Variants in EBF1 observed in about 807,000 individuals in gnomAD.
The protein encoded by EBF1 is EBF transcription factor 1, also known as transcription factor COE1.
Under a neutral mutation model 68.4 loss-of-function variants are expected in EBF1, and 10 were observed. That is an observed-to-expected ratio of 0.15 (90% confidence interval 0.09 to 0.25). The LOEUF is 0.25. Ranked by LOEUF, EBF1 falls within the 10% of genes least tolerant of loss-of-function variation. EBF1 has a pLI of 1.00. For synonymous variants in EBF1, 298 were observed against 299.8 expected (o/e 0.99, Z 0.06); for missense variants, 509 against 794.4 (o/e 0.64, Z 4.32).
intron 6 of EBF1, among the ~76,000 whole-genome samples, chr5:158,842,167 G>C (rs1360496569): frequency 1.3e-5 from 2 of 152,228 alleles, no homozygotes; most frequent in Admixed American, 6.5e-5. Flanking sequence ...TAAAGGAAGG[G>C]GGGTTAAGGG....
At chr5:158,955,581 C>A (rs1816894293) in intron 6 of EBF1, among the ~76,000 whole-genome samples, 1 of 152,196 alleles carries the variant, frequency 6.6e-6, no homozygotes, top group African/African-American at 2.4e-5. Flanking sequence ...GAATTCCATC[C>A]CATTCTTAAT....
chr5:158,773,789 G>A (rs1774412001), intron 10 of EBF1, among the ~76,000 whole-genome samples: 1 of 152,110 alleles, frequency 6.6e-6, no homozygotes, highest in African/African-American at 2.4e-5. Flanking sequence ...ATTAGCAGGA[G>A]AGATCACGAT....
chr5:158,759,212 G>A (rs1227102700), intron 10 of EBF1, among the ~76,000 whole-genome samples: 1 of 152,144 alleles, frequency 6.6e-6, no homozygotes, highest in Non-Finnish European at 1.5e-5. Flanking sequence ...TTTATTGAAA[G>A]CTATTTTGGG....
At chr5:159,066,439 C>T (rs1275884214) in intron 6 of EBF1, among the ~76,000 whole-genome samples, 1 of 152,112 alleles carries the variant, frequency 6.6e-6, no homozygotes, top group Non-Finnish European at 1.5e-5. Flanking sequence ...CACAGAAGAC[C>T]ACTCTGTTCC....
Position 158,714,105 on chromosome 5 carries a change from C to T in EBF1, c.1191+12G>A. ...TGGCAGTCCACACAGGCTAGACACCCACAGCGCTCACCTGGTTGTTGTGTG... is the reference window on the plus strand; with the variant it reads ...TGGCAGTCCACACAGGCTAGACACCTACAGCGCTCACCTGGTTGTTGTGTG... On this transcript the variant is annotated intron_variant, in intron 12 of 15. Transcript: ENST00000313708. 1.2e-6 allele frequency: 2 copies of T among 1,614,080 alleles called. No homozygotes were observed. Among genetic ancestry groups the T allele is most frequent in the Non-Finnish European group, 1.7e-6 (2 of 1,179,922 alleles).
chr5:158,915,094 GA>G (rs1404036156), intron 6 of EBF1, among the ~76,000 whole-genome samples: 1 of 152,200 alleles, frequency 6.6e-6, no homozygotes, highest in East Asian at 1.9e-4. Flanking sequence ...AACTGACAGT[GA>G]AAATGGGGCG....
At chr5:158,867,300 T>G (rs1203642127) in intron 6 of EBF1, among the ~76,000 whole-genome samples, 2 of 152,178 alleles carry the variant, frequency 1.3e-5, no homozygotes, top group Non-Finnish European at 2.9e-5. Context: ...AGGTTACTTA[T>G]TTGCTTCTAA....
chr5:158,762,858 G>A (rs1771786777), intron 10 of EBF1, among the ~76,000 whole-genome samples: 3 of 152,068 alleles, frequency 2.0e-5, no homozygotes, highest in Non-Finnish European at 4.4e-5. Flanking sequence ...ATTGGGATAT[G>A]CCATGGAAAA....
intron 6 of EBF1, among the ~76,000 whole-genome samples, chr5:159,013,874 T>C (rs1347230780): frequency 3.3e-5 from 5 of 152,196 alleles, no homozygotes; most frequent in African/African-American, 1.2e-4. Flanking sequence ...AAAGAAGAGT[T>C]CCAACTTCTG....
chr5:158,978,081 T>A (rs1296634089), intron 6 of EBF1, among the ~76,000 whole-genome samples: 1 of 152,236 alleles, frequency 6.6e-6, no homozygotes, highest in African/African-American at 2.4e-5. Context: ...TAACCTTAGC[T>A]ACTGAGTGGA....
At chr5:159,096,048 C>G (rs1040751909) in intron 3 of EBF1, among the ~76,000 whole-genome samples, 6 of 152,258 alleles carry the variant, frequency 3.9e-5, no homozygotes, top group African/African-American at 1.2e-4. Flanking sequence ...GGCCTGCAGC[C>G]TGGGCCAAGC....
intron 6 of EBF1, among the ~76,000 whole-genome samples, chr5:158,856,204 A>G (rs1480040747): frequency 2.6e-5 from 4 of 152,030 alleles, no homozygotes; most frequent in African/African-American, 9.7e-5. Flanking sequence ...ACAATCCCGC[A>G]CCCCAATTTA....
intron 4 of EBF1, among the ~76,000 whole-genome samples, chr5:159,095,186 G>A (rs1283307906): frequency 6.6e-6 from 1 of 152,224 alleles, no homozygotes; most frequent in Non-Finnish European, 1.5e-5. Flanking sequence ...CATTCCTGGG[G>A]AAGCCGCCTC....
intron 15 of EBF1, among the ~76,000 whole-genome samples, chr5:158,706,155 G>A (rs1313817085): frequency 6.6e-6 from 1 of 151,652 alleles, no homozygotes; most frequent in African/African-American, 2.4e-5. Context: ...TTTCTATCAT[G>A]AGTAATATTG....
rs1018157392 is a variant in EBF1 at position 158,707,979 on chromosome 5, C to T, written c.1744G>A (p.Ala582Thr). ...CTSTNGNSLQ[A>T]ISGMIVPPM Reference sequence around the variant, plus strand: ...TTGGCAGGTGGGGCCTGGGGCTTACCTTGCAGGCTGTTCCCGTTGGTGCTG... The same window carrying T: ...TTGGCAGGTGGGGCCTGGGGCTTACTTTGCAGGCTGTTCCCGTTGGTGCTG... Residue 582 changes from alanine to threonine, a missense_variant and splice_region_variant, in exon 15 of 16, where the codon GCG becomes ACG. By Grantham distance (58) the Ala-to-Thr change is moderately conservative. Around this residue, in one of 3 missense-constraint regions of EBF1, gnomAD observed 205 missense variants for 247.4 expected, o/e 0.83. Transcript: ENST00000313708. 6.5e-7 allele frequency: 1 copy of T among 1,549,184 alleles called. No individual in the cohort carries two copies. The highest frequency in any genetic ancestry group is 1.4e-5 in the African/African-American group (1 of 73,106).
chr5:158,873,005 T>TTA (rs1797156139), intron 6 of EBF1, among the ~76,000 whole-genome samples: 1 of 142,212 alleles, frequency 7.0e-6, no homozygotes, highest in African/African-American at 2.7e-5. Flanking sequence ...AATTTTTTTT[T>TTA]TTTTTTTTTT....
intron 9 of EBF1, among the ~76,000 whole-genome samples, chr5:158,784,660 A>G (rs1383230509): frequency 6.6e-6 from 1 of 152,188 alleles, no homozygotes; most frequent in Admixed American, 6.6e-5. Context: ...TTAGGACCTA[A>G]TATTTTAACC....
chr5:159,076,033 G>GTT (rs74345602), intron 5 of EBF1, among the ~76,000 whole-genome samples: 51 of 145,836 alleles, frequency 3.5e-4, no homozygotes, highest in South Asian at 1.1e-3. Flanking sequence ...GGTTTTTCCT[G>GTT]TTTTTTTTTT....
At chr5:158,984,060 C>A (rs1027383360) in intron 6 of EBF1, among the ~76,000 whole-genome samples, 9 of 152,054 alleles carry the variant, frequency 5.9e-5, no homozygotes, top group African/African-American at 2.2e-4. Context: ...GCTTATTTGC[C>A]ATGAATCTTC....
Sources: allele counts gnomAD v4.1 joint callset (sites outside exome capture counted in the v4.1 genomes callset), GRCh38; gene constraint gnomAD v4.1.1; regional missense constraint gnomAD v4.1.1; transcripts MANE v1.5; gene names NCBI Gene and HGNC (gene_info 2026-07-23, HGNC 2026-07-21).